The following DMD variants were observed in gnomAD, a reference collection of about 807,000 sequenced individuals.
DMD encodes the protein mutant dystrophin.
In DMD, 63 loss-of-function variants were observed where a neutral mutation model predicts 330.1. The observed-to-expected ratio is 0.19, with a 90% CI of 0.16 to 0.24. DMD has a LOEUF of 0.24. Ranked by LOEUF, DMD falls within the 10% of genes least tolerant of loss-of-function variation. The pLI is 1.00. For missense variants in DMD, 3,344 were observed against 2,684.1 expected (o/e 1.25, Z -5.43); for synonymous variants, 1,223 against 959.8 (o/e 1.27, Z -5.07).
intron 5 of DMD, among the ~76,000 whole-genome samples, chrX:32,822,424 G>A (rs775371634): frequency 3.7e-5 from 4 of 109,351 alleles, no homozygotes; most frequent in Non-Finnish European, 5.7e-5. Flanking sequence ...TTACTATTAC[G>A]TATATATATA....
chrX:32,235,785 T>C (rs1245272775), intron 43 of DMD, among the ~76,000 whole-genome samples: 2 of 111,794 alleles, frequency 1.8e-5, no homozygotes, highest in African/African-American at 6.5e-5. Flanking sequence ...AACATGGATT[T>C]TTAACTTAAT....
intron 1 of DMD, among the ~76,000 whole-genome samples, chrX:33,198,350 A>T (rs1414603434): frequency 1.8e-5 from 2 of 111,157 alleles, no homozygotes; most frequent in Non-Finnish European, 3.8e-5. Flanking sequence ...CTTTACAAAG[A>T]TAGATTAAGG....
chrX:32,052,649 T>C (rs1052228908), intron 44 of DMD, among the ~76,000 whole-genome samples: 7 of 111,461 alleles, frequency 6.3e-5, no homozygotes, highest in Non-Finnish European at 9.4e-5. Flanking sequence ...TCCACAGATA[T>C]TGGGTTAGTC....
chrX:33,083,421 T>C (rs1180465226), intron 1 of DMD, among the ~76,000 whole-genome samples: 2 of 111,553 alleles, frequency 1.8e-5, no homozygotes, highest in East Asian at 5.7e-4. Flanking sequence ...CTGTTGTCTT[T>C]GATCCACACC....
chrX:32,784,583 A>G (rs1415306620), intron 7 of DMD, among the ~76,000 whole-genome samples: 2 of 111,894 alleles, frequency 1.8e-5, no homozygotes, highest in East Asian at 5.6e-4. Flanking sequence ...GAAATCAATT[A>G]ACTTCCAAGG....
intron 9 of DMD, among the ~76,000 whole-genome samples, chrX:32,674,220 T>A (rs1219401030): frequency 8.9e-6 from 1 of 111,842 alleles, no homozygotes; most frequent in South Asian, 3.7e-4. Context: ...CCCTTCTAAC[T>A]TTTTACTTAG....
chrX:32,974,886 T>A (rs892641648), intron 2 of DMD, among the ~76,000 whole-genome samples: 1 of 112,137 alleles, frequency 8.9e-6, no homozygotes, highest in Non-Finnish European at 1.9e-5. Flanking sequence ...TTAAGTTTAC[T>A]TTTGGCAAAA....
chrX:33,332,652 C>G, intron 1 of DMD, among the ~76,000 whole-genome samples: 1 of 111,351 alleles, frequency 9.0e-6, no homozygotes, highest in Non-Finnish European at 1.9e-5. Context: ...TATTTATCTC[C>G]TTTCTAAAAC....
intron 47 of DMD, among the ~76,000 whole-genome samples, chrX:31,903,094 T>C (rs906160292): frequency 8.9e-6 from 1 of 112,178 alleles, no homozygotes; most frequent in Non-Finnish European, 1.9e-5. Context: ...TAAAATTTTC[T>C]ACACATTACA....
intron 20 of DMD, 39 bp from the exon 21 acceptor site, chrX:32,485,138 T>G (rs1267240960): frequency 2.1e-5 from 24 of 1,164,887 alleles, no homozygotes; most frequent in Non-Finnish European, 2.8e-5. Context: ...ACACGTTTAC[T>G]TTGCATACAT....
intron 45 of DMD, among the ~76,000 whole-genome samples, chrX:31,961,817 G>A (rs982644956): frequency 4.0e-5 from 4 of 101,049 alleles, no homozygotes; most frequent in Non-Finnish European, 5.9e-5. Flanking sequence ...AAAACTTCAG[G>A]TCATTCAAAG....
intron 51 of DMD, among the ~76,000 whole-genome samples, chrX:31,730,029 G>A (rs2086383858): frequency 8.9e-6 from 1 of 111,914 alleles, no homozygotes; most frequent in Non-Finnish European, 1.9e-5. Context: ...ACCACTGTCT[G>A]AATGCCTTGA....
chrX:32,160,603 T>C (rs774005019), intron 44 of DMD, among the ~76,000 whole-genome samples: 2 of 110,962 alleles, frequency 1.8e-5, no homozygotes, highest in South Asian at 7.6e-4. Flanking sequence ...GATGGCTATG[T>C]TTTTAATGGA....
At chrX:31,258,167 A>G (rs1018263651) in intron 63 of DMD, among the ~76,000 whole-genome samples, 2 of 112,310 alleles carry the variant, frequency 1.8e-5, no homozygotes, top group African/African-American at 6.5e-5. Flanking sequence ...AATAAAATCA[A>G]TGAGAACAGT....
intron 9 of DMD, among the ~76,000 whole-genome samples, chrX:32,676,012 G>A (rs191263021): frequency 3.6e-4 from 40 of 111,128 alleles, no homozygotes; most frequent in Non-Finnish European, 6.4e-4. Context: ...GGAAAACTTG[G>A]GTTGAGTGAC....
chrX:31,451,745 A>T (rs1221073015), intron 59 of DMD, among the ~76,000 whole-genome samples: 5 of 110,730 alleles, frequency 4.5e-5, no homozygotes, highest in Non-Finnish European at 9.4e-5. Flanking sequence ...TACTTTGCAG[A>T]CTGAGCGAAT....
intron 1 of DMD, among the ~76,000 whole-genome samples, chrX:33,206,270 A>T (rs2051564830): frequency 8.9e-6 from 1 of 112,279 alleles, no homozygotes; most frequent in Admixed American, 9.5e-5. Context: ...TAGCATTTTT[A>T]ATTTATGGAC....
intron 1 of DMD, among the ~76,000 whole-genome samples, chrX:33,250,085 T>TTTTATATATATATATATATATATATATA (rs1484050730): frequency 2.7e-5 from 2 of 75,436 alleles, no homozygotes; most frequent in African/African-American, 1.4e-4. Flanking sequence ...AAACTATTCA[T>TTTTATATATATATATATATATATATATA]TATATATATA....
At chrX:32,669,706 C>A (rs141251416) in intron 9 of DMD, among the ~76,000 whole-genome samples, 1,160 of 111,531 alleles carry the variant, frequency 0.01, 16 homozygotes, top group African/African-American at 0.036. Flanking sequence ...TCAGCATGGC[C>A]CTTTTTGGTT....
Sources: allele counts gnomAD v4.1 joint callset (sites outside exome capture counted in the v4.1 genomes callset), GRCh38; gene constraint gnomAD v4.1.1; transcripts MANE v1.5; gene names NCBI Gene and HGNC (gene_info 2026-07-23, HGNC 2026-07-21).